BRD10: variants seen among roughly 807,000 people sequenced by gnomAD.
The protein encoded by BRD10 is bromodomain containing 10.
the BRD10 span, among the ~76,000 whole-genome samples, chr9:5,959,436 T>G: frequency 6.6e-6 from 1 of 152,226 alleles, no homozygotes; most frequent in Non-Finnish European, 1.5e-5. Flanking sequence ...ATTTATTTTT[T>G]GAAGTCTTCA....
At chr9:5,893,176 G>A in the BRD10 span, among the ~76,000 whole-genome samples, 1 of 152,222 alleles carries the variant, frequency 6.6e-6, no homozygotes, top group Non-Finnish European at 1.5e-5. Context: ...CTTAGTGGGA[G>A]AGTTAGGCAT....
the BRD10 span, among the ~76,000 whole-genome samples, chr9:5,996,345 G>A: frequency 6.6e-6 from 1 of 151,750 alleles, no homozygotes; most frequent in Non-Finnish European, 1.5e-5. Context: ...TTGAGACAAC[G>A]TCTTACTCTG....
chr9:5,937,454 G>C, the BRD10 span, among the ~76,000 whole-genome samples: 1 of 150,776 alleles, frequency 6.6e-6, no homozygotes, highest in Non-Finnish European at 1.5e-5. Context: ...AGAATCGCTT[G>C]AACCTGGGAG....
chr9:5,971,314 A>G, the BRD10 span, among the ~76,000 whole-genome samples: 2 of 152,170 alleles, frequency 1.3e-5, no homozygotes, highest in African/African-American at 4.8e-5. Context: ...CACTGTAGGC[A>G]GTATAATTGC....
the BRD10 span, chr9:5,909,808 G>C: frequency 3.9e-5 from 6 of 152,190 alleles, no homozygotes; most frequent in Admixed American, 2.6e-4. Context: ...AAATCATAAA[G>C]GATCAGAGAT....
At chr9:5,955,753 A>G in the BRD10 span, among the ~76,000 whole-genome samples, 3 of 150,130 alleles carry the variant, frequency 2.0e-5, no homozygotes, top group Non-Finnish European at 2.9e-5. Context: ...TTCTTTATTC[A>G]CCATTGTTAT....
the BRD10 span, among the ~76,000 whole-genome samples, chr9:5,954,758 T>C: frequency 6.6e-6 from 1 of 152,224 alleles, no homozygotes; most frequent in Non-Finnish European, 1.5e-5. Context: ...ATCTACTTTT[T>C]GTATTTAACG....
At chr9:5,915,690 G>A in the BRD10 span, among the ~76,000 whole-genome samples, 2 of 151,946 alleles carry the variant, frequency 1.3e-5, no homozygotes, top group Non-Finnish European at 2.9e-5. Context: ...AACCTTCTCT[G>A]GAAACTCCCT....
chr9:5,977,440 T>A, the BRD10 span, among the ~76,000 whole-genome samples: 5 of 152,318 alleles, frequency 3.3e-5, no homozygotes, highest in African/African-American at 4.8e-5. Flanking sequence ...TCCTCAGTAG[T>A]GTAGTAAATA....
chr9:5,902,337 C>T, the BRD10 span, among the ~76,000 whole-genome samples: 7,256 of 152,238 alleles, frequency 0.048, 597 homozygotes, highest in African/African-American at 0.17. Flanking sequence ...ATTATTATTT[C>T]TGATAATAGT....
chr9:5,923,221 T>C, the BRD10 span: 13 of 1,613,898 alleles, frequency 8.1e-6, no homozygotes, highest in African/African-American at 1.3e-5. Context: ...TTTTAAGCAG[T>C]GTCTTCGGTA....
the BRD10 span, among the ~76,000 whole-genome samples, chr9:5,992,540 C>T: frequency 6.7e-6 from 1 of 150,246 alleles, no homozygotes; most frequent in Non-Finnish European, 1.5e-5. Context: ...TGCAAAAAAA[C>T]ACACTAAAAT....
the BRD10 span, among the ~76,000 whole-genome samples, chr9:5,981,226 A>C: frequency 6.6e-6 from 1 of 152,298 alleles, no homozygotes; most frequent in East Asian, 1.9e-4. Flanking sequence ...GGGATGAAGC[A>C]TTTATTTCCC....
the BRD10 span, among the ~76,000 whole-genome samples, chr9:5,960,115 T>C: frequency 1.3e-5 from 2 of 152,174 alleles, no homozygotes; most frequent in East Asian, 1.9e-4. Context: ...CTTGACCTTT[T>C]ATTGTGTTGT....
the BRD10 span, among the ~76,000 whole-genome samples, chr9:5,878,950 C>G: frequency 4.6e-5 from 7 of 152,210 alleles, no homozygotes; most frequent in Non-Finnish European, 1.0e-4. Flanking sequence ...GAAGGAGATT[C>G]TGGGCAGAGA....
the BRD10 span, among the ~76,000 whole-genome samples, chr9:5,942,242 C>T: frequency 1.3e-5 from 2 of 151,814 alleles, no homozygotes; most frequent in Non-Finnish European, 2.9e-5. Flanking sequence ...TAACGATGAC[C>T]CTCAAGTCAT....
At chr9:5,974,513 TCA>T in the BRD10 span, among the ~76,000 whole-genome samples, 2 of 152,176 alleles carry the variant, frequency 1.3e-5, no homozygotes, top group African/African-American at 4.8e-5. Context: ...AAACATTGTT[TCA>T]GTTTATTGCC....
At chr9:5,959,932 CAA>C in the BRD10 span, among the ~76,000 whole-genome samples, 1 of 152,292 alleles carries the variant, frequency 6.6e-6, no homozygotes, top group East Asian at 1.9e-4. Flanking sequence ...AACTTTTCCA[CAA>C]AAGTTTTCTT....
At chr9:5,924,864 C>A in the BRD10 span, 1 of 1,429,488 alleles carries the variant, frequency 7.0e-7, no homozygotes, top group Non-Finnish European at 9.3e-7. Context: ...AAATGCCCAA[C>A]ATAATAAATA....
Sources: gnomAD v4.1 joint callset for allele counts (sites outside exome capture counted in the v4.1 genomes callset) on GRCh38, gnomAD v4.1.1 for gene constraint, MANE v1.5 for transcripts, NCBI Gene and HGNC (gene_info 2026-07-23, HGNC 2026-07-21) for gene names.